The following CCDC171 variants were observed in gnomAD, a reference collection of about 807,000 sequenced individuals.
CCDC171 encodes the protein coiled-coil domain containing 171, also known as coiled-coil domain-containing protein 171.
CCDC171 carries 177 observed loss-of-function variants against 168.2 expected under a neutral mutation model. That is an observed-to-expected ratio of 1.05 (90% confidence interval 0.93 to 1.19). The LOEUF is 1.19. Among genes scored for constraint, CCDC171 ranks in the 50% most tolerant of loss-of-function variants. The probability of loss-of-function intolerance (pLI) is 0.00; values close to 1 mark genes in which losing one functional copy is unlikely to be tolerated. For missense variants in CCDC171, 1,991 were observed against 1,539.0 expected, an observed-to-expected ratio of 1.29 and a Z score of -4.91; for synonymous variants, 687 against 540.8, an observed-to-expected ratio of 1.27 and a Z score of -3.75.
At chr9:15,950,044 A>G (rs1481459201) in intron 25 of CCDC171, among the ~76,000 whole-genome samples, 1 of 152,184 alleles carries the variant, frequency 6.6e-6, no homozygotes, top group Non-Finnish European at 1.5e-5. Context: ...GATGAAGTGA[A>G]TGAAATGAAG....
chr9:15,891,132 A>G (rs1820159187), intron 24 of CCDC171, among the ~76,000 whole-genome samples: 1 of 152,184 alleles, frequency 6.6e-6, no homozygotes, highest in African/African-American at 2.4e-5. Context: ...ATATAAAGAA[A>G]CCAATTATGG....
At chr9:15,758,772 T>C (rs2056280863) in intron 18 of CCDC171, among the ~76,000 whole-genome samples, 1 of 152,168 alleles carries the variant, frequency 6.6e-6, no homozygotes, top group Non-Finnish European at 1.5e-5. Flanking sequence ...TGAATAAGTC[T>C]CACAAGGTTT....
intron 18 of CCDC171, among the ~76,000 whole-genome samples, chr9:15,775,201 T>C (rs1451470333): frequency 2.6e-5 from 4 of 152,318 alleles, no homozygotes; most frequent in South Asian, 2.1e-4. Context: ...CTGTAATTCA[T>C]TGAGAGTCGG....
At chr9:15,715,177 C>A (rs1236419586) in intron 11 of CCDC171, among the ~76,000 whole-genome samples, 2 of 152,170 alleles carry the variant, frequency 1.3e-5, no homozygotes, top group African/African-American at 2.4e-5. Flanking sequence ...ATTTCTCAAG[C>A]TTTGGTAAAG....
intron 3 of CCDC171, among the ~76,000 whole-genome samples, chr9:15,985,572 A>G (rs550957339): frequency 1.3e-3 from 199 of 152,318 alleles, no homozygotes; most frequent in African/African-American, 4.6e-3. Flanking sequence ...ACCTAGAGAG[A>G]TTAAGTGACT....
chr9:16,033,932 G>A (rs900139820), intron 6 of CCDC171, among the ~76,000 whole-genome samples: 2 of 152,198 alleles, frequency 1.3e-5, no homozygotes, highest in Non-Finnish European at 2.9e-5. Flanking sequence ...GGAGCTCAAG[G>A]GAGGAGGGGA....
chr9:15,704,207 C>T lies in CCDC171; in HGVS notation c.1318+8870C>T, dbSNP rs571948772. ...GACATTTGTGTGTATTTGTTTGTAG[C>T]ACATTCTTAGAATTTGTAACAAAAT... On this transcript the variant is annotated intron_variant, in intron 11 of 25. Coordinates refer to ENST00000380701, the MANE Select transcript of CCDC171 (RefSeq NM_173550.4). Among the ~76,000 whole-genome samples, 323 of 151,044 alleles carry T rather than the reference C, an allele frequency of 2.1e-3. 1 individual carries two copies. The highest frequency in any genetic ancestry group is 6.8e-3 in the Middle Eastern group (2 of 294).
intron 21 of CCDC171, among the ~76,000 whole-genome samples, chr9:15,809,047 G>A (rs2059208068): frequency 6.6e-6 from 1 of 152,208 alleles, no homozygotes; most frequent in Non-Finnish European, 1.5e-5. Context: ...CCGATTTTGA[G>A]TGCTCGTCCA....
chr9:15,568,013 T>C (rs893351393), intron 2 of CCDC171, among the ~76,000 whole-genome samples: 4 of 151,836 alleles, frequency 2.6e-5, no homozygotes, highest in Non-Finnish European at 4.4e-5. Context: ...GGAATTGTTT[T>C]CTTAATTTTG....
chr9:15,868,498 T>A (rs72708849), intron 23 of CCDC171, among the ~76,000 whole-genome samples: 1,810 of 148,986 alleles, frequency 0.012, 18 homozygotes, highest in African/African-American at 0.03. Context: ...TGTGTGTGTG[T>A]GAGAGAGAGA....
intron 11 of CCDC171, among the ~76,000 whole-genome samples, chr9:15,701,829 C>T (rs574592242): frequency 6.6e-6 from 1 of 152,140 alleles, no homozygotes; most frequent in South Asian, 2.1e-4. Context: ...CTTCCAAATT[C>T]CTGTGACATA....
At chr9:15,729,577 A>G (rs2054025406) in intron 15 of CCDC171, 33 bp from the exon 16 acceptor site, 2 of 1,426,252 alleles carry the variant, frequency 1.4e-6, no homozygotes, top group Middle Eastern at 1.9e-4. Flanking sequence ...GCTTGTGAGC[A>G]TATTTCCTTC....
intron 6 of CCDC171, among the ~76,000 whole-genome samples, chr9:15,599,594 T>C (rs1048436384): frequency 3.9e-5 from 6 of 152,210 alleles, no homozygotes; most frequent in Non-Finnish European, 7.3e-5. Flanking sequence ...TTTTCCTTCA[T>C]TTCAACTTTG....
chr9:15,971,496 A>G (rs1564090044), intron 25 of CCDC171, 113 bp from the exon 26 acceptor site: 4 of 638,380 alleles, frequency 6.3e-6, no homozygotes, highest in East Asian at 2.7e-5. Context: ...AGTAGTTTCC[A>G]TCTCATTTTT....
intron 6 of CCDC171, among the ~76,000 whole-genome samples, chr9:15,618,721 C>T (rs1160108911): frequency 1.3e-5 from 2 of 152,166 alleles, no homozygotes; most frequent in African/African-American, 4.8e-5. Flanking sequence ...GGGCGGGTAG[C>T]ACAGTCCCTC....
intron 7 of CCDC171, among the ~76,000 whole-genome samples, chr9:15,628,762 C>T (rs916746175): frequency 1.2e-4 from 19 of 152,324 alleles, no homozygotes; most frequent in African/African-American, 4.1e-4. Context: ...CCTGAGCAGC[C>T]TAACTGGGAG....
chr9:15,777,929 T>C, intron 19 of CCDC171, 103 bp downstream of exon 19: 2 of 720,040 alleles, frequency 2.8e-6, no homozygotes, highest in Non-Finnish European at 4.3e-6. Flanking sequence ...TGAATGTATC[T>C]GGATTTTCTT....
chr9:15,771,741 G>A (rs1272712327), intron 18 of CCDC171, among the ~76,000 whole-genome samples: 4 of 152,042 alleles, frequency 2.6e-5, no homozygotes, highest in South Asian at 2.1e-4. Context: ...GAATACTTTC[G>A]ATACATTAAA....
At chr9:15,847,976 T>C (rs769889298) in intron 22 of CCDC171, among the ~76,000 whole-genome samples, 6 of 152,086 alleles carry the variant, frequency 3.9e-5, no homozygotes, top group Admixed American at 6.6e-5. Context: ...TTTTAAAATA[T>C]AAGTTTGACT....
Sources: allele counts gnomAD v4.1 joint callset (sites outside exome capture counted in the v4.1 genomes callset), GRCh38; gene constraint gnomAD v4.1.1; transcripts MANE v1.5; gene names NCBI Gene and HGNC (gene_info 2026-07-23, HGNC 2026-07-21).